The following CBX1 variants were observed in gnomAD, a reference collection of about 807,000 sequenced individuals.
CBX1 encodes the protein chromobox 1, also known as chromobox protein homolog 1.
In CBX1, 10 loss-of-function variants were observed where a neutral mutation model predicts 25.1. The observed-to-expected ratio is 0.40, with a 90% CI of 0.25 to 0.68. CBX1 has a LOEUF of 0.68. CBX1 is among the 30% of genes least tolerant of loss of function. The pLI is 0.40. For synonymous variants in CBX1, 63 were observed against 79.4 expected, an observed-to-expected ratio of 0.79 and a Z score of 1.10; for missense variants, 106 against 218.5, an observed-to-expected ratio of 0.49 and a Z score of 3.25.
chr17:48,080,979 T>C (rs1198312594), intron 1 of CBX1, among the ~76,000 whole-genome samples: 1 of 72,282 alleles, frequency 1.4e-5, no homozygotes, highest in Non-Finnish European at 2.5e-5. Context: ...TATATATATA[T>C]ATATATATAT....
At chr17:48,077,441 T>TGTTTG (rs372389257) in intron 1 of CBX1, among the ~76,000 whole-genome samples, 6 of 78,076 alleles carry the variant, frequency 7.7e-5, no homozygotes, top group African/African-American at 1.5e-4. Flanking sequence ...TTGTTTTTTT[T>TGTTTG]TTTGTTTTTT....
At chr17:48,074,602 C>G (rs2037657319) in intron 4 of CBX1, among the ~76,000 whole-genome samples, 1 of 152,194 alleles carries the variant, frequency 6.6e-6, no homozygotes, top group Non-Finnish European at 1.5e-5. Flanking sequence ...GGAAGAACTA[C>G]AGATTCTTTC....
At position 48,071,427 on chromosome 17, in the gene CBX1, C is replaced by T. The variant is rs768336123; in HGVS notation, c.*8G>A. 6.2e-7 allele frequency: 1 copy of T among 1,603,078 alleles called. No homozygotes were observed. On this transcript the variant is annotated 3_prime_UTR_variant, in exon 5 of 5. Transcript: ENST00000225603. Reference sequence around the variant, plus strand: ...GTCAGATGTGACAGGGGCTGGTACTCAGGAGCGTTAGTTCTTGTCATCTTT... The same window carrying T: ...GTCAGATGTGACAGGGGCTGGTACTTAGGAGCGTTAGTTCTTGTCATCTTT...
At position 48,082,769 on chromosome 17, in the gene CBX1, C is replaced by T. The variant is rs1045098180; in HGVS notation, c.-37-5728G>A. ...GCCAGGCTGGTCTCAAACGCTTGAC[C>T]TCAAGTAATCCGCCCACCTCAGCCT... On this transcript the variant is annotated intron_variant, in intron 1 of 4. Transcript: ENST00000225603. Among the ~76,000 whole-genome samples the T allele has an allele frequency of 1.3e-4, 20 of 150,006 alleles. 1 individual carries two copies. The highest frequency in any genetic ancestry group is 9.9e-4 in the Admixed American group (15 of 15,164).
chr17:48,081,411 G>C (rs2037736892), intron 1 of CBX1, among the ~76,000 whole-genome samples: 1 of 152,112 alleles, frequency 6.6e-6, no homozygotes. Flanking sequence ...GAAATCTAAA[G>C]TAAAGCATTC....
At position 48,071,106 on chromosome 17, in the gene CBX1, T is replaced by C. The variant is rs1430124196; in HGVS notation, c.*329A>G. The C allele has an allele frequency of 5.4e-6, 1 of 185,088 alleles. No individual in the cohort carries two copies. The highest frequency in any genetic ancestry group is 2.3e-5 in the African/African-American group (1 of 42,698). The allele number at this position is 185,088 out of a possible 1,614,324, so 11.5% of individuals were successfully genotyped here. On this transcript the variant is annotated 3_prime_UTR_variant, in exon 5 of 5. Transcript: ENST00000225603. ...AGGCTGTGGGTTGTGGAGATGCTCTTTGAAGATCTACAGTATTTTTTTGCT... is the reference window on the plus strand; with the variant it reads ...AGGCTGTGGGTTGTGGAGATGCTCTCTGAAGATCTACAGTATTTTTTTGCT...
chr17:48,079,552 G>A lies in CBX1; in HGVS notation c.-37-2511C>T, dbSNP rs142291944. Among the ~76,000 whole-genome samples the A allele has an allele frequency of 8.5e-5, 13 of 152,162 alleles. No homozygotes were observed. The East Asian group carries it at 2.1e-3, about 25-fold the overall frequency. On this transcript the variant is annotated intron_variant, in intron 1 of 4. Transcript: ENST00000225603. ...TCTATCACCTAGGATGGAATGCAGT[G>A]AAGTAATTATGGCTCATTGCAGCTT...
chr17:48,074,270 T>C (rs2037654077), intron 4 of CBX1, among the ~76,000 whole-genome samples: 1 of 152,218 alleles, frequency 6.6e-6, no homozygotes, highest in East Asian at 1.9e-4. Flanking sequence ...GAATGCTGCC[T>C]TCATTGGCAA....
At chr17:48,088,799 A>C (rs891599945) in intron 1 of CBX1, 6 of 152,064 alleles carry the variant, frequency 3.9e-5, no homozygotes, top group Admixed American at 6.6e-5. Context: ...TTACCATTTT[A>C]TACAATGCAA....
chr17:48,077,144 G>T, intron 1 of CBX1, 103 bp from the exon 2 acceptor site: 1 of 864,512 alleles, frequency 1.2e-6, no homozygotes, highest in Non-Finnish European at 1.8e-6. Context: ...TGATAATATT[G>T]TATGCTGCTT....
intron 1 of CBX1, among the ~76,000 whole-genome samples, chr17:48,080,789 C>T (rs753746779): frequency 1.3e-4 from 19 of 149,958 alleles, no homozygotes; most frequent in African/African-American, 1.7e-4. Flanking sequence ...GGTATGGTGG[C>T]GCTCGCCTGT....
At chr17:48,074,937 C>G (rs953041752) in intron 4 of CBX1, 69 bp downstream of exon 4, 24 of 1,115,610 alleles carry the variant, frequency 2.2e-5, no homozygotes, top group Non-Finnish European at 3.0e-5. Context: ...AGGTCCAGCT[C>G]TTTTCCTCTG....
chr17:48,096,967 C>G (rs1367489424), intron 1 of CBX1, among the ~76,000 whole-genome samples: 1 of 151,922 alleles, frequency 6.6e-6, no homozygotes, highest in Non-Finnish European at 1.5e-5. Flanking sequence ...ACCCCCACCA[C>G]AAGTTGGGCG....
intron 4 of CBX1, among the ~76,000 whole-genome samples, chr17:48,074,591 A>C (rs989080086): frequency 1.4e-5 from 2 of 141,248 alleles, no homozygotes; most frequent in African/African-American, 5.2e-5. Flanking sequence ...TAAGGACAAA[A>C]GGAAGAACTA....
chr17:48,095,790 G>A (rs1209194990), intron 1 of CBX1: 2 of 152,250 alleles, frequency 1.3e-5, no homozygotes, highest in African/African-American at 4.8e-5. Context: ...CTTGTAGTCT[G>A]TAAGCTGTGG....
At position 48,070,674 on chromosome 17, in the gene CBX1, C is replaced by T. The variant is rs983444352; in HGVS notation, c.*761G>A. 2.6e-5 allele frequency: 4 copies of T among 152,638 alleles called. No individual in the cohort carries two copies. The highest frequency in any genetic ancestry group is 9.7e-5 in the African/African-American group (4 of 41,446). The allele number at this position is 152,638 out of a possible 1,614,324, so 9.5% of individuals were successfully genotyped here. On this transcript the variant is annotated 3_prime_UTR_variant, in exon 5 of 5. Transcript: ENST00000225603. The stretch of plus-strand genomic sequence containing the variant: ...GTACTGTATACTCTCCAATAAAAGA[C>T]CTTCCCTCCTCGTCAATTTCCATCT...
At chr17:48,092,024 CTT>C (rs949191873) in intron 1 of CBX1, among the ~76,000 whole-genome samples, 3 of 111,832 alleles carry the variant, frequency 2.7e-5, no homozygotes, top group East Asian at 2.9e-4. Flanking sequence ...CAGTTTCACT[CTT>C]GTCACCCAGG....
intron 1 of CBX1, among the ~76,000 whole-genome samples, chr17:48,086,642 G>C (rs2063313323): frequency 6.6e-6 from 1 of 151,798 alleles, no homozygotes; most frequent in African/African-American, 2.4e-5. Flanking sequence ...AATTACCTGA[G>C]ATCAGGAGTT....
intron 4 of CBX1, among the ~76,000 whole-genome samples, chr17:48,072,610 C>T (rs2037635512): frequency 6.6e-6 from 1 of 151,850 alleles, no homozygotes; most frequent in South Asian, 2.1e-4. Context: ...CGGTGAAACC[C>T]TGTCTCTACT....
Sources: allele counts gnomAD v4.1 joint callset (sites outside exome capture counted in the v4.1 genomes callset), GRCh38; gene constraint gnomAD v4.1.1; transcripts MANE v1.5; gene names NCBI Gene and HGNC (gene_info 2026-07-23, HGNC 2026-07-21).